The following HSPA14 variants were observed in gnomAD, a reference collection of about 807,000 sequenced individuals.
HSPA14 encodes the protein heat shock protein family A (Hsp70) member 14.
Under a neutral mutation model 65.5 loss-of-function variants are expected in HSPA14, and 37 were observed. That is an observed-to-expected ratio of 0.56 (90% CI 0.43 to 0.74). HSPA14 has a LOEUF of 0.74. Among genes scored for constraint, HSPA14 ranks in the 30% least tolerant of loss-of-function variants. HSPA14 has a pLI of 0.00. For synonymous variants in HSPA14, 203 were observed against 214.2 expected (o/e 0.95, Z 0.46); for missense variants, 564 against 607.6 (o/e 0.93, Z 0.75).
chr10:14,844,502 C>T (rs1239698935), intron 3 of HSPA14: 7 of 958,714 alleles, frequency 7.3e-6, no homozygotes, highest in Non-Finnish European at 8.7e-6. Context: ...ATAAGCACAA[C>T]CTGTATTTGT....
At chr10:14,846,588 T>C in intron 3 of HSPA14, 1 of 979,792 alleles carries the variant, frequency 1.0e-6, no homozygotes, top group East Asian at 1.1e-4. Context: ...TGAACCCCCT[T>C]AGAAAAGCTT....
chr10:14,867,402 C>T (rs983056043), intron 11 of HSPA14, 107 bp downstream of exon 11: 1 of 748,046 alleles, frequency 1.3e-6, no homozygotes, highest in Admixed American at 2.6e-5. Context: ...CATGATGTTA[C>T]AATAAAACCT....
chr10:14,850,991 T>G, intron 6 of HSPA14: 1 of 374,558 alleles, frequency 2.7e-6, no homozygotes, highest in Non-Finnish European at 4.8e-6. Context: ...CTTTTTGCTT[T>G]CTTTGTGAAG....
chr10:14,842,741 T>C lies in HSPA14; in HGVS notation c.221+2584T>C. 6.5e-7 allele frequency: 1 copy of C among 1,536,552 alleles called. No individual in the cohort carries two copies. Among genetic ancestry groups the C allele is most frequent in the Non-Finnish European group, 8.7e-7 (1 of 1,146,982 alleles). On this transcript the variant is annotated intron_variant, in intron 3 of 13. Coordinates refer to ENST00000378372, the MANE Select transcript of HSPA14 (RefSeq NM_016299.4). The surrounding 1 kb of genome is among the most constrained non-coding windows in gnomAD (Gnocchi z 5.2). ...TCAGGCAGCTGATCATCAGCCTATC[T>C]TGAAAACAGTTAAGGCATCAGATGA...
Position 14,842,845 on chromosome 10 carries a change from A to G in HSPA14, c.221+2688A>G, listed in dbSNP as rs1332698404. The G allele has an allele frequency of 1.2e-5, 18 of 1,526,356 alleles. No homozygotes were observed. Among genetic ancestry groups the G allele is most frequent in the Non-Finnish European group, 1.4e-5 (16 of 1,141,302 alleles). 94.6% of individuals were successfully genotyped at this position (1,526,356 alleles called of 1,614,324 possible). A position where few individuals can be genotyped will look rare whatever the true frequency, so the allele number is the denominator to read the frequency against. ...ACTCCTGGGATGAATCCTCGGGTGC[A>G]GGTAACTCCCAAGCATGTGAAGGAG... On this transcript the variant is annotated intron_variant, in intron 3 of 13. Transcript: ENST00000378372. The surrounding 1 kb of genome is among the most constrained non-coding windows in gnomAD (Gnocchi z 5.2).
At chr10:14,856,024 G>A in intron 10 of HSPA14, 81 bp downstream of exon 10, 1 of 774,114 alleles carries the variant, frequency 1.3e-6, no homozygotes, top group Non-Finnish European at 2.2e-6. Context: ...GGTACTGAAA[G>A]AATATTTTAA....
chr10:14,851,022 C>A (rs1156640094), intron 6 of HSPA14, 197 bp from the exon 7 acceptor site: 2 of 464,716 alleles, frequency 4.3e-6, no homozygotes, highest in Admixed American at 4.0e-5. Context: ...CTGAACATTA[C>A]AATTTTAAAC....
At chr10:14,863,888 T>TA (rs1832778724) in intron 10 of HSPA14, among the ~76,000 whole-genome samples, 1 of 152,074 alleles carries the variant, frequency 6.6e-6, no homozygotes, top group Non-Finnish European at 1.5e-5. Context: ...CTGATAGAAT[T>TA]ATTGTTGTCA....
rs1358642122 is a variant in HSPA14, at chr10:14,871,658, T to C, written c.*52T>C. ...AAAACAAGAATATCAACATTTGGTTTTGTGTATAAGTGGTGTTTGTATTAA... is the reference window on the plus strand; with the variant it reads ...AAAACAAGAATATCAACATTTGGTTCTGTGTATAAGTGGTGTTTGTATTAA... On this transcript the variant is annotated 3_prime_UTR_variant, in exon 14 of 14. Transcript: ENST00000378372. 1.0e-6 allele frequency: 1 copy of C among 992,640 alleles called. No homozygotes were observed. Among genetic ancestry groups the C allele is most frequent in the South Asian group, 1.4e-5 (1 of 71,338 alleles). 61.5% of individuals were successfully genotyped at this position (992,640 alleles called of 1,614,324 possible).
intron 10 of HSPA14, among the ~76,000 whole-genome samples, chr10:14,866,220 T>C (rs1276019922): frequency 6.6e-6 from 1 of 152,224 alleles, no homozygotes; most frequent in Non-Finnish European, 1.5e-5. Context: ...TGAAGATCTT[T>C]GCCAAGGAAA....
intron 3 of HSPA14, 39 bp from the exon 4 acceptor site, chr10:14,848,570 T>C: frequency 2.7e-6 from 4 of 1,485,934 alleles, no homozygotes; most frequent in Non-Finnish European, 2.8e-6. Flanking sequence ...ACAATACTGA[T>C]TTTAATACTT....
Position 14,871,588 on chromosome 10 carries a change from T to G in HSPA14, c.1512T>G (p.Ser504=). 1.3e-6 allele frequency: 2 copies of G among 1,567,036 alleles called. No homozygotes were observed. The highest frequency in any genetic ancestry group is 1.4e-5 in the African/African-American group (1 of 73,704). The change falls in exon 14 of 14, where the codon TCT becomes TCG. Residue 504 remains serine (S), a synonymous_variant. Coordinates refer to ENST00000378372, the MANE Select transcript of HSPA14 (RefSeq NM_016299.4). ...AAACTGGAAAATGTGAAGCAATCTC[T>G]ATTGAGATAGCATCTTAGTGTTTTA... ...DQETGKCEAI[S]IEIAS
At chr10:14,859,566 T>C (rs1455695601) in intron 10 of HSPA14, among the ~76,000 whole-genome samples, 1 of 152,236 alleles carries the variant, frequency 6.6e-6, no homozygotes, top group Admixed American at 6.5e-5. Context: ...TTAATCCCTG[T>C]GTTTTAGCCA....
At chr10:14,858,036 C>G (rs1468466822) in intron 10 of HSPA14, among the ~76,000 whole-genome samples, 1 of 152,030 alleles carries the variant, frequency 6.6e-6, no homozygotes, top group African/African-American at 2.4e-5. Flanking sequence ...GGCTTGGAGA[C>G]AGACCCACCT....
chr10:14,864,316 CT>C (rs373220150), intron 10 of HSPA14, among the ~76,000 whole-genome samples: 1,923 of 137,680 alleles, frequency 0.014, 32 homozygotes, highest in African/African-American at 0.045. Context: ...GCACCACTTA[CT>C]TTTTTTTTTA....
At chr10:14,855,025 C>T (rs563826368) in intron 9 of HSPA14, among the ~76,000 whole-genome samples, 2 of 152,268 alleles carry the variant, frequency 1.3e-5, no homozygotes, top group East Asian at 3.9e-4. Flanking sequence ...ATTAGAATCT[C>T]TTTTTGGACA....
chr10:14,841,001 T>C (rs1350327958), intron 3 of HSPA14, among the ~76,000 whole-genome samples: 1 of 152,214 alleles, frequency 6.6e-6, no homozygotes, highest in Non-Finnish European at 1.5e-5. Context: ...GGTTCTTTTC[T>C]TTCAACTTTG....
In HSPA14 at chr10:14,854,385, C is replaced by G. The variant is rs112464995; in HGVS notation, c.890+105C>G. 22 of 923,812 alleles carry G rather than the reference C, an allele frequency of 2.4e-5. 1 individual carries two copies. The highest frequency in any genetic ancestry group is 1.7e-5 in the African/African-American group (1 of 59,978). 57.2% of individuals were successfully genotyped at this position (923,812 alleles called of 1,614,324 possible). On this transcript the variant is annotated intron_variant, in intron 9 of 13. Transcript: ENST00000378372. Reference sequence around the variant, plus strand: ...TTTTGTTTGTTTGTTTGAGATTTATCAACCATCTATAATGTCTTCACTTTA... The same window carrying G: ...TTTTGTTTGTTTGTTTGAGATTTATGAACCATCTATAATGTCTTCACTTTA...
At position 14,839,998 on chromosome 10, in the gene HSPA14, C is replaced by A; in HGVS notation, c.138+13C>A. The stretch of plus-strand genomic sequence containing the variant: ...AGAAAATGAAGAGGTACTAGTCCCC[C>A]CATTTTTGTACTTCTGAAATAATTT... On this transcript the variant is annotated intron_variant, in intron 2 of 13. Transcript: ENST00000378372. 6.3e-7 allele frequency: 1 copy of A among 1,588,474 alleles called. No homozygotes were observed. Among genetic ancestry groups the A allele is most frequent in the Non-Finnish European group, 8.6e-7 (1 of 1,162,102 alleles).
Sources: gnomAD v4.1 joint callset for allele counts (sites outside exome capture counted in the v4.1 genomes callset) on GRCh38, gnomAD v4.1.1 for gene constraint, Gnocchi (gnomAD v3.1) non-coding constraint, MANE v1.5 for transcripts, NCBI Gene and HGNC (gene_info 2026-07-23, HGNC 2026-07-21) for gene names.